KCNMA1: variants seen among roughly 807,000 people sequenced by gnomAD.
KCNMA1 encodes the protein Calcium-activated potassium channel subunit alpha-1.
KCNMA1 carries 29 observed loss-of-function variants against 140.0 expected under a neutral mutation model. The ratio of observed to expected loss-of-function variants is 0.21; its 90% CI spans 0.15 to 0.28. The LOEUF is 0.28. Among genes scored for constraint, KCNMA1 ranks in the 10% least tolerant of loss-of-function variants. KCNMA1 has a pLI of 1.00. For missense variants in KCNMA1, 880 were observed against 1,602.2 expected, an observed-to-expected ratio of 0.55 and a Z score of 7.70; for synonymous variants, 612 against 611.9, an observed-to-expected ratio of 1.00 and a Z score of 0.00.
At chr10:77,311,889 C>T (rs1442589368) in intron 2 of KCNMA1, among the ~76,000 whole-genome samples, 1 of 152,216 alleles carries the variant, frequency 6.6e-6, no homozygotes, top group East Asian at 1.9e-4. Flanking sequence ...GGAGATCTAT[C>T]CCATGCTTTC....
Position 77,592,950 on chromosome 10 carries a change from A to T in KCNMA1, c.378+44315T>A, listed in dbSNP as rs556565276. Among the ~76,000 whole-genome samples the T allele has an allele frequency of 7.7e-4, 118 of 152,284 alleles. 1 individual carries two copies. In the South Asian group the frequency reaches 0.024, roughly 32 times the overall value. ...CAAGGTTGAGACCAGGAGCACCTCC[A>T]CCTTCTTTGTTCTGGAATTGCCCTG... On this transcript the variant is annotated intron_variant, in intron 1 of 27. Transcript: ENST00000286628.
At chr10:77,397,709 G>A (rs900140370) in intron 2 of KCNMA1, among the ~76,000 whole-genome samples, 7 of 152,232 alleles carry the variant, frequency 4.6e-5, no homozygotes, top group African/African-American at 7.2e-5. Context: ...TAGTGTAACC[G>A]TCATCCAAAT....
At position 77,214,320 on chromosome 10, in the gene KCNMA1, A is replaced by G. The variant is rs111973791; in HGVS notation, c.603-29404T>C. Among the ~76,000 whole-genome samples, 81 of 152,270 alleles carry G rather than the reference A, an allele frequency of 5.3e-4. 1 individual carries two copies. Among genetic ancestry groups the G allele is most frequent in the African/African-American group, 1.7e-3 (71 of 41,536 alleles). ...CAGGCTCAGTGGATGGCCTCGCCTC[A>G]TCATGTCATTAAAAGTCACATAAAA... On this transcript the variant is annotated intron_variant, in intron 3 of 27. Coordinates refer to ENST00000286628, the MANE Select transcript of KCNMA1 (RefSeq NM_001161352.2).
rs530998633 is a variant in KCNMA1 at position 77,474,218 on chromosome 10, C to T, written c.379-70195G>A. Among the ~76,000 whole-genome samples the T allele has an allele frequency of 6.6e-5, 10 of 152,316 alleles. No homozygotes were observed. The East Asian group carries it at 7.7e-4, about 12-fold the overall frequency. On this transcript the variant is annotated intron_variant, in intron 1 of 27. Coordinates refer to ENST00000286628, the MANE Select transcript of KCNMA1 (RefSeq NM_001161352.2). ...CGGCATGATGTGAGAGAGAGTGTTA[C>T]GGACTGAATTGGTTCCCTGCAAATC... is the stretch of plus-strand genomic sequence containing the variant.
At chr10:77,636,787 C>T in intron 1 of KCNMA1, 1 of 1,454,568 alleles carries the variant, frequency 6.9e-7, no homozygotes, top group Non-Finnish European at 9.0e-7. Flanking sequence ...CTTTCTGACC[C>T]CACGAACTCA....
At chr10:77,116,409 T>C (rs1041398775) in intron 6 of KCNMA1, among the ~76,000 whole-genome samples, 5 of 152,072 alleles carry the variant, frequency 3.3e-5, no homozygotes, top group East Asian at 1.9e-4. Flanking sequence ...TTGTCCTCTA[T>C]ATGTTTAACA....
chr10:77,580,305 C>T (rs2075489098), intron 1 of KCNMA1, among the ~76,000 whole-genome samples: 1 of 150,314 alleles, frequency 6.7e-6, no homozygotes, highest in Non-Finnish European at 1.5e-5. Flanking sequence ...GGTGTGAACC[C>T]AGGAGGTGGA....
At chr10:77,541,782 C>G (rs979925498) in intron 1 of KCNMA1, among the ~76,000 whole-genome samples, 2 of 152,166 alleles carry the variant, frequency 1.3e-5, no homozygotes, top group African/African-American at 4.8e-5. Flanking sequence ...AGTGATTTGG[C>G]CCTACCCTAG....
At chr10:77,544,296 C>G (rs1467142825) in intron 1 of KCNMA1, among the ~76,000 whole-genome samples, 1 of 151,876 alleles carries the variant, frequency 6.6e-6, no homozygotes, top group African/African-American at 2.4e-5. Flanking sequence ...TTGATATTTT[C>G]AAAAACAATT....
chr10:77,440,854 T>A (rs1008348273), intron 1 of KCNMA1, among the ~76,000 whole-genome samples: 1 of 152,206 alleles, frequency 6.6e-6, no homozygotes, highest in Non-Finnish European at 1.5e-5. Context: ...AGTCTCATTC[T>A]GTCGCCCAGG....
At chr10:77,373,947 G>A (rs2094913172) in intron 2 of KCNMA1, 1 of 152,286 alleles carries the variant, frequency 6.6e-6, no homozygotes, top group African/African-American at 2.4e-5. Context: ...ACAAAGGAGG[G>A]AGACATGCAC....
At chr10:77,305,211 G>T (rs2077404584) in intron 2 of KCNMA1, among the ~76,000 whole-genome samples, 1 of 152,188 alleles carries the variant, frequency 6.6e-6, no homozygotes, top group Admixed American at 6.5e-5. Flanking sequence ...CAGTGACAGG[G>T]TTGGGACCAG....
chr10:77,636,644 C>A lies in KCNMA1; in HGVS notation c.378+621G>T, dbSNP rs573297001. 5 of 1,459,032 alleles carry A rather than the reference C, an allele frequency of 3.4e-6. No homozygotes were observed. In the South Asian group the frequency reaches 6.1e-5, roughly 18 times the overall value. The allele number at this position is 1,459,032 out of a possible 1,614,324, so 90.4% of individuals were successfully genotyped here. ...CCAAAAGTGGCAGCCCCGTGGGCTA[C>A]CCCCAATAGTGGGATGGATCTCCCC... On this transcript the variant is annotated intron_variant, in intron 1 of 27. Transcript: ENST00000286628.
At chr10:76,940,247 G>T (rs1185908918) in intron 23 of KCNMA1, among the ~76,000 whole-genome samples, 1 of 152,190 alleles carries the variant, frequency 6.6e-6, no homozygotes, top group Admixed American at 6.5e-5. Flanking sequence ...TTCAGAAAGT[G>T]TCTGGTCCAG....
At chr10:76,946,621 T>C (rs56708672) in intron 22 of KCNMA1, among the ~76,000 whole-genome samples, 1,836 of 152,312 alleles carry the variant, frequency 0.012, 35 homozygotes, top group African/African-American at 0.04. Flanking sequence ...CAGCGTCTTT[T>C]TGAGAGAAGG....
intron 9 of KCNMA1, among the ~76,000 whole-genome samples, chr10:77,098,997 C>T (rs988842134): frequency 6.6e-6 from 1 of 152,092 alleles, no homozygotes; most frequent in Non-Finnish European, 1.5e-5. Context: ...TCTGCTCTTA[C>T]AGAGAAATCA....
intron 2 of KCNMA1, among the ~76,000 whole-genome samples, chr10:77,306,241 A>G (rs1424117034): frequency 3.3e-5 from 5 of 152,218 alleles, no homozygotes; most frequent in Non-Finnish European, 7.3e-5. Flanking sequence ...CCTGAAAGGG[A>G]AAGAGGAGAC....
chr10:77,613,076 G>T (rs1239344791), intron 1 of KCNMA1, among the ~76,000 whole-genome samples: 1 of 152,100 alleles, frequency 6.6e-6, no homozygotes, highest in Non-Finnish European at 1.5e-5. Context: ...TGCCTGTGTG[G>T]CCCTCCCCAA....
intron 5 of KCNMA1, among the ~76,000 whole-genome samples, chr10:77,176,510 C>T (rs1353644126): frequency 1.3e-5 from 2 of 152,038 alleles, no homozygotes; most frequent in African/African-American, 4.8e-5. Flanking sequence ...GGGTGTTGAG[C>T]TTCAATAAGG....
Sources: gnomAD v4.1 joint callset for allele counts (sites outside exome capture counted in the v4.1 genomes callset) on GRCh38, gnomAD v4.1.1 for gene constraint, MANE v1.5 for transcripts, NCBI Gene and HGNC (gene_info 2026-07-23, HGNC 2026-07-21) for gene names.